The following SORBS2 variants were observed in gnomAD, a reference collection of about 807,000 sequenced individuals.
The protein encoded by SORBS2 is sorbin and SH3 domain-containing protein 2.
A neutral mutation model predicts 97.7 loss-of-function variants in SORBS2; 46 were observed. That is an observed-to-expected ratio of 0.47 (90% confidence interval 0.37 to 0.60). The LOEUF is 0.60. Among genes scored for constraint, SORBS2 ranks in the 20% least tolerant of loss-of-function variants. The pLI is 0.00. For synonymous variants in SORBS2, 476 were observed against 473.4 expected, an observed-to-expected ratio of 1.01 and a Z score of -0.07; for missense variants, 1,316 against 1,282.3, an observed-to-expected ratio of 1.03 and a Z score of -0.40.
At chr4:185,923,685 T>C (rs1462360972) in intron 1 of SORBS2, among the ~76,000 whole-genome samples, 1 of 151,986 alleles carries the variant, frequency 6.6e-6, no homozygotes, top group East Asian at 1.9e-4. Flanking sequence ...CACGTGATGA[T>C]TACTCTGGAA....
At chr4:185,795,312 C>T (rs776443672) in intron 1 of SORBS2, among the ~76,000 whole-genome samples, 23 of 152,240 alleles carry the variant, frequency 1.5e-4, no homozygotes, top group Non-Finnish European at 3.1e-4. Flanking sequence ...AGAAAGAGGT[C>T]GGGGCAGCTT....
chr4:185,626,940 G>C, exon 6 of SORBS2: 2 of 1,614,206 alleles, frequency 1.2e-6, no homozygotes, highest in Non-Finnish European at 8.5e-7. Context: ...CTCGCACTTT[G>C]ATCTCCCAAG....
chr4:185,792,165 T>C (rs902724245), intron 1 of SORBS2, among the ~76,000 whole-genome samples: 2 of 152,196 alleles, frequency 1.3e-5, no homozygotes, highest in Non-Finnish European at 2.9e-5. Flanking sequence ...TCTAGATACA[T>C]CTCCTTATTT....
At chr4:185,717,594 G>A (rs1036313420) in intron 2 of SORBS2, among the ~76,000 whole-genome samples, 3 of 152,300 alleles carry the variant, frequency 2.0e-5, no homozygotes, top group South Asian at 4.1e-4. Flanking sequence ...GGTAGAAGCC[G>A]CATGTGGTCA....
intron 2 of SORBS2, chr4:185,740,024 T>C (rs1403695080): frequency 6.6e-6 from 1 of 152,670 alleles, no homozygotes; most frequent in Non-Finnish European, 1.5e-5. Flanking sequence ...GGGTCTCCCA[T>C]GGTAAAATGA....
upstream of SORBS2, among the ~76,000 whole-genome samples, chr4:185,660,698 A>AGGTG (rs1173829419): frequency 7.2e-5 from 11 of 152,248 alleles, no homozygotes; most frequent in South Asian, 1.7e-3. Flanking sequence ...CTGGGGAAGG[A>AGGTG]GGTGCACTGT....
chr4:185,749,419 A>G (rs2098785810), intron 2 of SORBS2, among the ~76,000 whole-genome samples: 2 of 152,308 alleles, frequency 1.3e-5, no homozygotes, highest in Middle Eastern at 3.4e-3. Flanking sequence ...TTCAGGGAGA[A>G]GGAGATAGAG....
chr4:185,742,969 C>T (rs576940974), intron 2 of SORBS2, among the ~76,000 whole-genome samples: 8 of 152,226 alleles, frequency 5.3e-5, no homozygotes, highest in Admixed American at 1.3e-4. Context: ...TAAAGAGCCC[C>T]GCGGGCACAG....
chr4:185,926,689 A>C (rs2099263882), intron 1 of SORBS2, among the ~76,000 whole-genome samples: 1 of 152,074 alleles, frequency 6.6e-6, no homozygotes, highest in Non-Finnish European at 1.5e-5. Flanking sequence ...AAACATCCTT[A>C]TAGATTTACC....
intron 1 of SORBS2, among the ~76,000 whole-genome samples, chr4:185,821,626 G>T (rs1204978913): frequency 2.0e-5 from 3 of 152,078 alleles, no homozygotes; most frequent in African/African-American, 4.8e-5. Flanking sequence ...GTTTCGCCAT[G>T]TTGACCAGGC....
At chr4:185,688,590 G>A (rs1053712772) in intron 2 of SORBS2, among the ~76,000 whole-genome samples, 6 of 151,840 alleles carry the variant, frequency 4.0e-5, no homozygotes, top group African/African-American at 1.5e-4. Flanking sequence ...TAACTTGTGG[G>A]GCCACTTTAT....
intron 1 of SORBS2, among the ~76,000 whole-genome samples, chr4:185,855,787 C>CT (rs2099220363): frequency 6.6e-6 from 1 of 152,178 alleles, no homozygotes; most frequent in Admixed American, 6.5e-5. Context: ...CACATCCTAT[C>CT]TAAGATGTTT....
At chr4:185,913,011 T>C (rs573736015) in intron 1 of SORBS2, among the ~76,000 whole-genome samples, 3 of 28,020 alleles carry the variant, frequency 1.1e-4, no homozygotes, top group East Asian at 0.012. Flanking sequence ...GAATGACTCA[T>C]GGAAAATAGT....
chr4:185,624,037 G>A, exon 7 of SORBS2: 1 of 1,614,232 alleles, frequency 6.2e-7, no homozygotes, highest in Non-Finnish European at 8.5e-7. Flanking sequence ...GGTCCTTGCG[G>A]TTGATGCGGT....
At chr4:185,721,166 T>G (rs934373145) in intron 2 of SORBS2, among the ~76,000 whole-genome samples, 12 of 145,034 alleles carry the variant, frequency 8.3e-5, no homozygotes, top group African/African-American at 3.1e-4. Flanking sequence ...CCTCTGCCTC[T>G]CGGGTTCAAG....
At chr4:185,660,036 G>A (rs1198866626), upstream of SORBS2, among the ~76,000 whole-genome samples, 2 of 152,056 alleles carry the variant, frequency 1.3e-5, no homozygotes, top group Admixed American at 6.5e-5. Context: ...ATTCATCTAG[G>A]GCAAGGTAGA....
rs772847847 is a variant in SORBS2, at chr4:185,662,153, G to A, written c.45C>T (p.Leu15=). ...CAATGCTGGAGTTGAGTGAGGCTGG[G>A]AGAGAATATGCCGAGGGGGAAAACG... The change falls in exon 5 of 21, where the codon CTC becomes CTT. Residue 15 remains leucine (L), a synonymous_variant. Transcript: ENST00000284776. 8 of 1,614,082 alleles carry A rather than the reference G, an allele frequency of 5.0e-6. No individual in the cohort carries two copies. The East Asian group carries it at 1.6e-4, about 31-fold the overall frequency.
At position 185,651,920 on chromosome 4, in the gene SORBS2, T is replaced by A. The variant is rs1581856115; in HGVS notation, c.91+742A>T. The A allele has an allele frequency of 1.6e-5, 12 of 733,440 alleles. No individual in the cohort carries two copies. The East Asian group carries it at 3.1e-4, about 19-fold the overall frequency. The allele number at this position is 733,440 out of a possible 1,614,324, so 45.4% of individuals were successfully genotyped here. On this transcript the variant is annotated intron_variant, in intron 2 of 14. Coordinates refer to ENST00000418609, the Ensembl canonical transcript of SORBS2. ...CTTCAGACAAACAACAGAAATTTGTTAGAAAAGCAACGTATTTTTCCTAGT... is the reference window on the plus strand; with the variant it reads ...CTTCAGACAAACAACAGAAATTTGTAAGAAAAGCAACGTATTTTTCCTAGT...
intron 1 of SORBS2, among the ~76,000 whole-genome samples, chr4:185,781,465 C>G (rs1274987793): frequency 1.3e-5 from 2 of 152,210 alleles, no homozygotes; most frequent in Non-Finnish European, 2.9e-5. Context: ...AGATCTCCAC[C>G]ACCTTCCTCC....
Sources: allele counts gnomAD v4.1 joint callset (sites outside exome capture counted in the v4.1 genomes callset), GRCh38; gene constraint gnomAD v4.1.1; transcripts MANE v1.5; gene names NCBI Gene and HGNC (gene_info 2026-07-23, HGNC 2026-07-21).